Variants in SLC20A2 observed in about 807,000 individuals in gnomAD.
The protein encoded by SLC20A2 is solute carrier family 20 member 2.
In SLC20A2, 30 loss-of-function variants were observed where a neutral mutation model predicts 61.0. The ratio of observed to expected loss-of-function variants is 0.49; its 90% CI spans 0.37 to 0.67. SLC20A2 has a LOEUF of 0.67. SLC20A2 is among the 30% of genes least tolerant of loss of function. SLC20A2 has a pLI of 0.00. For missense variants in SLC20A2, 626 were observed against 866.4 expected (o/e 0.72, Z 3.48); for synonymous variants, 351 against 353.3 (o/e 0.99, Z 0.07).
intron 1 of SLC20A2, chr8:42,535,386 A>G (rs900738770): frequency 6.6e-6 from 1 of 152,218 alleles, no homozygotes; most frequent in African/African-American, 2.4e-5. Context: ...AAAAACTAAT[A>G]ATGCAGTGCA....
At chr8:42,428,070 C>T (rs943810452) in intron 10 of SLC20A2, among the ~76,000 whole-genome samples, 1 of 152,062 alleles carries the variant, frequency 6.6e-6, no homozygotes. Flanking sequence ...GGCTCTGGTC[C>T]TCCCCACCTG....
At chr8:42,535,072 G>A (rs536539626) in intron 1 of SLC20A2, 3 of 152,280 alleles carry the variant, frequency 2.0e-5, no homozygotes, top group Non-Finnish European at 2.9e-5. Context: ...AAAAATCCTC[G>A]ATGGAATTGA....
intron 1 of SLC20A2, among the ~76,000 whole-genome samples, chr8:42,479,207 A>G (rs567515683): frequency 6.6e-6 from 1 of 152,318 alleles, no homozygotes; most frequent in East Asian, 1.9e-4. Flanking sequence ...ATTCGTTAGT[A>G]TTAAGTTTAC....
intron 1 of SLC20A2, among the ~76,000 whole-genome samples, chr8:42,492,150 T>C (rs936709225): frequency 3.3e-5 from 5 of 151,970 alleles, no homozygotes; most frequent in Non-Finnish European, 7.4e-5. Context: ...AGGTCAGGAG[T>C]TCGAGACCAG....
At chr8:42,430,385 CAG>C (rs1428154863) in intron 8 of SLC20A2, 136 bp from the exon 9 acceptor site, 7 of 787,836 alleles carry the variant, frequency 8.9e-6, no homozygotes, top group Admixed American at 6.1e-5. Flanking sequence ...TTTTTTGAGA[CAG>C]AGTCTTGCTC....
intron 1 of SLC20A2, among the ~76,000 whole-genome samples, chr8:42,477,857 C>T (rs564905905): frequency 3.3e-5 from 5 of 151,772 alleles, no homozygotes; most frequent in East Asian, 1.9e-4. Flanking sequence ...AACCACTCAA[C>T]GTGGTAAAGA....
chr8:42,465,998 A>T, intron 2 of SLC20A2, 81 bp from the exon 3 acceptor site: 1 of 1,251,122 alleles, frequency 8.0e-7, no homozygotes, highest in Non-Finnish European at 1.1e-6. Flanking sequence ...AATGTTTTCC[A>T]TAACAACATC....
intron 5 of SLC20A2, among the ~76,000 whole-genome samples, chr8:42,446,886 A>T (rs1432671957): frequency 6.6e-6 from 1 of 152,128 alleles, no homozygotes; most frequent in Non-Finnish European, 1.5e-5. Flanking sequence ...AAAGAAAAAG[A>T]AATAAAAATA....
intron 1 of SLC20A2, among the ~76,000 whole-genome samples, chr8:42,488,813 G>A (rs6998520): frequency 0.087 from 13,170 of 152,034 alleles, 1,654 homozygotes; most frequent in African/African-American, 0.28. Context: ...GTGATATTGG[G>A]CATCTTTTCA....
chr8:42,456,693 T>C (rs970613621), intron 5 of SLC20A2, among the ~76,000 whole-genome samples: 2 of 148,638 alleles, frequency 1.3e-5, no homozygotes, highest in African/African-American at 5.0e-5. Context: ...GATCATGCCA[T>C]TGCACTCCAG....
At position 42,474,544 on chromosome 8, in the gene SLC20A2, C is replaced by T. The variant is rs73632703; in HGVS notation, c.-264-1890G>A. ...GAGTATTTTATTAATATGACAGGCA[C>T]ACTAAATCAATGCATGAAAATCAAA... On this transcript the variant is annotated intron_variant, in intron 1 of 10. Coordinates refer to ENST00000520262, the MANE Select transcript of SLC20A2 (RefSeq NM_001257180.2). Among the ~76,000 whole-genome samples the T allele has an allele frequency of 4.9e-3, 741 of 152,160 alleles. 8 individuals are homozygous for T. Among genetic ancestry groups the T allele is most frequent in the African/African-American group, 0.017 (713 of 41,482 alleles).
intron 1 of SLC20A2, among the ~76,000 whole-genome samples, chr8:42,531,543 TAGA>T (rs1288405709): frequency 6.6e-6 from 1 of 152,156 alleles, no homozygotes; most frequent in Non-Finnish European, 1.5e-5. Flanking sequence ...TCATAGAATA[TAGA>T]AGAATAAAGG....
chr8:42,516,732 C>T (rs116898680), intron 1 of SLC20A2, among the ~76,000 whole-genome samples: 2,140 of 152,320 alleles, frequency 0.014, 50 homozygotes, highest in South Asian at 0.086. Context: ...GATATGACTT[C>T]CTTTCTCCAT....
At chr8:42,418,535 C>G (rs1265105719) in intron 10 of SLC20A2, among the ~76,000 whole-genome samples, 1 of 152,034 alleles carries the variant, frequency 6.6e-6, no homozygotes, top group African/African-American at 2.4e-5. Flanking sequence ...TACAGGCAAG[C>G]ACCACCACAT....
intron 1 of SLC20A2, among the ~76,000 whole-genome samples, chr8:42,533,654 C>CTTTTTTTCTTTTCTTTTTTTTTTTTT (rs1253260874): frequency 1.8e-5 from 1 of 55,298 alleles, no homozygotes; most frequent in African/African-American, 8.1e-5. Context: ...ATCAACTGTT[C>CTTTTTTTCTTTTCTTTTTTTTTTTTT]TTTTTTTTTT....
At position 42,446,960 on chromosome 8, in the gene SLC20A2, T is replaced by G. The variant is rs368601736; in HGVS notation, c.614-2198A>C. Reference sequence around the variant, plus strand: ...AAATTTAATTCAAAGGGGTTAACTATTTAACACTTTGCTCTTAAATAAATT... The same window carrying G: ...AAATTTAATTCAAAGGGGTTAACTAGTTAACACTTTGCTCTTAAATAAATT... On this transcript the variant is annotated intron_variant, in intron 5 of 10. Coordinates refer to ENST00000520262, the MANE Select transcript of SLC20A2 (RefSeq NM_001257180.2). Among the ~76,000 whole-genome samples, 208 of 152,292 alleles carry G rather than the reference T, an allele frequency of 1.4e-3. 1 individual carries two copies. The highest frequency in any genetic ancestry group is 4.6e-3 in the African/African-American group (191 of 41,594).
intron 1 of SLC20A2, among the ~76,000 whole-genome samples, chr8:42,473,131 T>C (rs1807780066): frequency 6.6e-6 from 1 of 152,158 alleles, no homozygotes. Flanking sequence ...GCATAAGCAA[T>C]GAGCACAGTA....
chr8:42,417,827 C>T lies in SLC20A2; in HGVS notation c.1935G>A (p.Met645Ile). The T allele has an allele frequency of 1.2e-6, 2 of 1,614,142 alleles. No homozygotes were observed. Among genetic ancestry groups the T allele is most frequent in the Non-Finnish European group, 8.5e-7 (1 of 1,180,020 alleles). ...LFSAAVMALLMYGILPYV is the reference protein window; with the variant it reads ...LFSAAVMALLIYGILPYV Reference sequence around the variant, plus strand: ...ATCACACATATGGAAGGATCCCATACATGAGAAGAGCCATGACAGCAGCGC... The same window carrying T: ...ATCACACATATGGAAGGATCCCATATATGAGAAGAGCCATGACAGCAGCGC... Residue 645 changes from methionine to isoleucine, a missense_variant, in exon 11 of 11, where the codon ATG becomes ATA. By Grantham distance (10) the Met-to-Ile change is conservative. This residue lies in a region of SLC20A2 where 138 missense variants were observed against 228.7 expected (regional missense o/e 0.60). Transcript: ENST00000520262.
chr8:42,505,108 C>A (rs1478611065), upstream of SLC20A2, among the ~76,000 whole-genome samples: 1 of 17,426 alleles, frequency 5.7e-5, no homozygotes, highest in African/African-American at 7.1e-4. Flanking sequence ...ACCCCCCCAA[C>A]CTTTTTTTTT....
Sources: allele counts gnomAD v4.1 joint callset (sites outside exome capture counted in the v4.1 genomes callset), GRCh38; gene constraint gnomAD v4.1.1; regional missense constraint gnomAD v4.1.1; transcripts MANE v1.5; gene names NCBI Gene and HGNC (gene_info 2026-07-23, HGNC 2026-07-21).